The following LINGO1 variants were observed in gnomAD, a reference collection of about 807,000 sequenced individuals.
The protein encoded by LINGO1 is leucine-rich repeat and immunoglobulin-like domain-containing nogo receptor-interacting protein 1.
Under a neutral mutation model 37.3 loss-of-function variants are expected in LINGO1, and 11 were observed. The observed-to-expected ratio is 0.29, with a 90% CI of 0.19 to 0.49. The LOEUF (loss-of-function observed/expected upper bound fraction) is 0.49. Ranked by LOEUF, LINGO1 falls within the 20% of genes least tolerant of loss-of-function variation. The pLI, the probability that LINGO1 is intolerant of heterozygous loss-of-function variation, is 0.99. For synonymous variants in LINGO1, 387 were observed against 403.0 expected (o/e 0.96, Z 0.48); for missense variants, 585 against 878.2 (o/e 0.67, Z 4.22).
intron 3 of LINGO1, among the ~76,000 whole-genome samples, chr15:77,662,186 C>T (rs1036699786): frequency 6.6e-6 from 1 of 152,178 alleles, no homozygotes; most frequent in Non-Finnish European, 1.5e-5. Flanking sequence ...AGTTCTGGGG[C>T]CCCAGTGCAC....
intron 1 of LINGO1, among the ~76,000 whole-genome samples, chr15:77,805,362 C>T (rs1269615173): frequency 6.6e-6 from 1 of 152,202 alleles, no homozygotes; most frequent in Non-Finnish European, 1.5e-5. Flanking sequence ...AGACCTTCCA[C>T]CCACCCTCCA....
intron 3 of LINGO1, among the ~76,000 whole-genome samples, chr15:77,673,027 C>T (rs975221428): frequency 2.6e-5 from 4 of 152,164 alleles, no homozygotes; most frequent in Admixed American, 6.5e-5. Flanking sequence ...AGGGAAAGGA[C>T]GCTTACCCAA....
chr15:77,705,619 G>A (rs1412297662), intron 2 of LINGO1, among the ~76,000 whole-genome samples: 3 of 152,224 alleles, frequency 2.0e-5, no homozygotes, highest in African/African-American at 4.8e-5. Flanking sequence ...GCAAAGCCTC[G>A]GGGAGCCACC....
At chr15:77,714,747 C>T (rs977949940) in intron 2 of LINGO1, among the ~76,000 whole-genome samples, 1 of 152,220 alleles carries the variant, frequency 6.6e-6, no homozygotes, top group Admixed American at 6.5e-5. Context: ...CTCTTCCTCC[C>T]GCGATAAGCC....
At chr15:77,804,388 C>T (rs1427348901) in intron 1 of LINGO1, among the ~76,000 whole-genome samples, 2 of 152,070 alleles carry the variant, frequency 1.3e-5, no homozygotes, top group African/African-American at 4.8e-5. Context: ...AGCCAAGATC[C>T]CTGTGTGAGT....
At chr15:77,812,400 G>A (rs1246525738) in intron 1 of LINGO1, among the ~76,000 whole-genome samples, 1 of 152,226 alleles carries the variant, frequency 6.6e-6, no homozygotes, top group Non-Finnish European at 1.5e-5. Context: ...CAAAGAGACT[G>A]AAATCTCCAC....
At chr15:77,759,891 C>T (rs1044066909) in intron 1 of LINGO1, among the ~76,000 whole-genome samples, 1 of 152,234 alleles carries the variant, frequency 6.6e-6, no homozygotes, top group Non-Finnish European at 1.5e-5. Context: ...TGGCCACGGC[C>T]GTGGGGAGCC....
chr15:77,799,855 T>G (rs1456898255), intron 1 of LINGO1, among the ~76,000 whole-genome samples: 1 of 152,124 alleles, frequency 6.6e-6, no homozygotes, highest in Non-Finnish European at 1.5e-5. Context: ...GGGAACACCT[T>G]CCAGAGTTTG....
At chr15:77,617,917 AC>A (rs2073784052) in intron 1 of LINGO1, among the ~76,000 whole-genome samples, 1 of 152,082 alleles carries the variant, frequency 6.6e-6, no homozygotes, top group Non-Finnish European at 1.5e-5. Context: ...GGCTTTGTCC[AC>A]CCTGACCCTC....
intron 3 of LINGO1, among the ~76,000 whole-genome samples, chr15:77,664,007 G>A (rs766064678): frequency 2.0e-4 from 31 of 152,276 alleles, no homozygotes; most frequent in Middle Eastern, 3.4e-3. Context: ...CCTTGCCTTC[G>A]GACCTCGGCT....
chr15:77,616,736 G>A (rs972568342), intron 1 of LINGO1, among the ~76,000 whole-genome samples: 6 of 152,168 alleles, frequency 3.9e-5, no homozygotes, highest in African/African-American at 1.2e-4. Context: ...CCCAGGGCCC[G>A]GAGAATGTCT....
rs1650522338 is a variant in LINGO1 at position 77,632,532 on chromosome 15, G to GGGGAGGC, written c.-224_-218dup. On this transcript the variant is annotated 5_prime_UTR_variant, in exon 1 of 2. Coordinates refer to ENST00000355300, the MANE Select transcript of LINGO1 (RefSeq NM_032808.7). The surrounding 1 kb of genome is among the most constrained non-coding windows in gnomAD (Gnocchi z 6.0). ...GGAGCCGGGGCCGGGGCTCGGGAGT[G>GGGGAGGC]GGGAGGCGGGAGGCCGCGGCCCCGG... is the stretch of plus-strand genomic sequence containing the variant. The GGGGAGGC allele has an allele frequency of 6.5e-6, 2 of 306,856 alleles. No homozygotes were observed. The highest frequency in any genetic ancestry group is 3.0e-4 in the South Asian group (2 of 6,622). 19.0% of individuals were successfully genotyped at this position (306,856 alleles called of 1,614,324 possible).
intron 1 of LINGO1, among the ~76,000 whole-genome samples, chr15:77,774,869 T>TC (rs1180546910): frequency 6.6e-6 from 1 of 152,144 alleles, no homozygotes; most frequent in Non-Finnish European, 1.5e-5. Context: ...GCAACCAGCC[T>TC]CAGTGCCCAG....
rs999164855 is a variant in LINGO1 at position 77,613,987 on chromosome 15, C to A, written c.*57G>T. 2.2e-6 allele frequency: 3 copies of A among 1,390,460 alleles called. No homozygotes were observed. The highest frequency in any genetic ancestry group is 2.9e-5 in the African/African-American group (2 of 69,318). 86.1% of individuals were successfully genotyped at this position (1,390,460 alleles called of 1,614,324 possible). A position where few individuals can be genotyped will look rare whatever the true frequency, so the allele number is the denominator to read the frequency against. On this transcript the variant is annotated 3_prime_UTR_variant, in exon 2 of 2. Coordinates refer to ENST00000355300, the MANE Select transcript of LINGO1 (RefSeq NM_032808.7). ...GAAGGACTGGAGAGTGAGCAGGTGG[C>A]GGCCAGGCCCCTTCCCCTGCCCGGC...
chr15:77,704,098 G>A (rs758914547), intron 2 of LINGO1, among the ~76,000 whole-genome samples: 2 of 152,150 alleles, frequency 1.3e-5, no homozygotes, highest in Non-Finnish European at 2.9e-5. Context: ...TGTAAGATGA[G>A]GGCAATAATA....
At chr15:77,665,122 A>G (rs1039012538) in intron 3 of LINGO1, among the ~76,000 whole-genome samples, 4 of 152,108 alleles carry the variant, frequency 2.6e-5, no homozygotes, top group African/African-American at 9.7e-5. Context: ...GGTGTATGAG[A>G]GACATTTTCC....
At chr15:77,770,412 A>C (rs957751084) in intron 1 of LINGO1, among the ~76,000 whole-genome samples, 4 of 152,032 alleles carry the variant, frequency 2.6e-5, no homozygotes, top group Non-Finnish European at 5.9e-5. Context: ...ACATGGAGAA[A>C]TCCCGTCTCT....
chr15:77,717,731 C>A (rs1432212704), intron 2 of LINGO1, among the ~76,000 whole-genome samples: 2 of 150,710 alleles, frequency 1.3e-5, no homozygotes, highest in East Asian at 2.1e-4. Flanking sequence ...CCGGGCTGTT[C>A]TGCACAGGAG....
chr15:77,732,194 T>G (rs1312891290), intron 2 of LINGO1, among the ~76,000 whole-genome samples: 1 of 152,186 alleles, frequency 6.6e-6, no homozygotes, highest in African/African-American at 2.4e-5. Flanking sequence ...GTCTGCACTC[T>G]ACACTTTACT....
Sources: gnomAD v4.1 joint callset for allele counts (sites outside exome capture counted in the v4.1 genomes callset) on GRCh38, gnomAD v4.1.1 for gene constraint, Gnocchi (gnomAD v3.1) non-coding constraint, MANE v1.5 for transcripts, NCBI Gene and HGNC (gene_info 2026-07-23, HGNC 2026-07-21) for gene names.